KNOP1: variants seen among roughly 807,000 people sequenced by gnomAD.
The protein encoded by KNOP1 is lysine rich nucleolar protein 1, also known as lysine-rich nucleolar protein 1.
A neutral mutation model predicts 30.6 loss-of-function variants in KNOP1; 20 were observed. The ratio of observed to expected loss-of-function variants is 0.65; its 90% CI spans 0.46 to 0.95. The LOEUF is 0.95. Ranked by LOEUF, KNOP1 falls within the 40% of genes least tolerant of loss-of-function variation. The pLI is 0.00. For missense variants in KNOP1, 540 were observed against 562.0 expected (o/e 0.96, Z 0.40); for synonymous variants, 204 against 210.0 (o/e 0.97, Z 0.25).
rs1213768471 is a variant in KNOP1, at chr16:19,703,778, A to C, written c.*3132T>G. On this transcript the variant is annotated 3_prime_UTR_variant, in exon 5 of 5. Transcript: ENST00000219837. ...TGGTGATCTGCACTGGCAGAAAGCAAAAGGACAAGATTAAGTCCATTCTGA... is the reference window on the plus strand; with the variant it reads ...TGGTGATCTGCACTGGCAGAAAGCACAAGGACAAGATTAAGTCCATTCTGA... 5 of 152,188 alleles carry C rather than the reference A, an allele frequency of 3.3e-5. No individual in the cohort carries two copies. The highest frequency in any genetic ancestry group is 2.6e-4 in the Admixed American group (4 of 15,266). The allele number at this position is 152,188 out of a possible 1,614,324, so 9.4% of individuals were successfully genotyped here.
At chr16:19,717,890 G>A (rs1977263522) in intron 1 of KNOP1, 2 of 1,064,394 alleles carry the variant, frequency 1.9e-6, no homozygotes, top group Non-Finnish European at 2.3e-6. Context: ...GAGCCAGGAA[G>A]TAAGATCCGT....
intron 1 of KNOP1, among the ~76,000 whole-genome samples, chr16:19,716,111 T>C (rs1447106353): frequency 6.6e-6 from 1 of 152,174 alleles, no homozygotes; most frequent in Non-Finnish European, 1.5e-5. Context: ...AGTTCATTCA[T>C]AACCCACTCC....
chr16:19,708,200 CCACA>C (rs1976519633), intron 4 of KNOP1, among the ~76,000 whole-genome samples: 3 of 151,624 alleles, frequency 2.0e-5, no homozygotes, highest in South Asian at 4.2e-4. Context: ...GGGTGCGGGC[CCACA>C]GGGGTAAAAG....
At chr16:19,715,167 A>G in intron 1 of KNOP1, 130 bp from the exon 2 acceptor site, 4 of 612,744 alleles carry the variant, frequency 6.5e-6, no homozygotes, top group Non-Finnish European at 1.1e-5. Flanking sequence ...AATGGACATG[A>G]TTCCTTTAAA....
intron 2 of KNOP1, among the ~76,000 whole-genome samples, chr16:19,713,102 A>G (rs2151651411): frequency 6.7e-6 from 1 of 150,342 alleles, no homozygotes; most frequent in Admixed American, 6.6e-5. Context: ...CTTCACCTCA[A>G]GTTTTTTTTT....
intron 2 of KNOP1, 86 bp from the exon 3 acceptor site, chr16:19,711,526 A>G: frequency 7.7e-7 from 1 of 1,290,464 alleles, no homozygotes. Flanking sequence ...AGACCATGAC[A>G]AAGTCCAGAA....
At position 19,706,572 on chromosome 16, in the gene KNOP1, CAGG is replaced by C. The variant is rs1322783459; in HGVS notation, c.*335_*337del. The C allele has an allele frequency of 1.7e-5, 5 of 295,916 alleles. No homozygotes were observed. Among genetic ancestry groups the C allele is most frequent in the South Asian group, 7.9e-5 (2 of 25,376 alleles). 18.3% of individuals were successfully genotyped at this position (295,916 alleles called of 1,614,324 possible). A position where few individuals can be genotyped will look rare whatever the true frequency, so the allele number is the denominator to read the frequency against. ...GGGACGGAATGTTTAACACAGAAAA[CAGG>C]AGGTTTTAGCACTCACTCGTTCTCC... On this transcript the variant is annotated 3_prime_UTR_variant, in exon 5 of 5. Transcript: ENST00000219837.
chr16:19,706,809 C>T lies in KNOP1; in HGVS notation c.*101G>A, dbSNP rs999546360. The T allele has an allele frequency of 1.6e-6, 2 of 1,285,446 alleles. No individual in the cohort carries two copies. The highest frequency in any genetic ancestry group is 2.2e-6 in the Non-Finnish European group (2 of 909,786). 79.6% of individuals were successfully genotyped at this position (1,285,446 alleles called of 1,614,324 possible). A position where few individuals can be genotyped will look rare whatever the true frequency, so the allele number is the denominator to read the frequency against. ...TTTATATCTTACTGCTCGAGGTCCTCACCAAGATCTGATTTTTTCACAAAA... is the reference window on the plus strand; with the variant it reads ...TTTATATCTTACTGCTCGAGGTCCTTACCAAGATCTGATTTTTTCACAAAA... On this transcript the variant is annotated 3_prime_UTR_variant, in exon 5 of 5. Transcript: ENST00000219837.
rs904452844 is a variant in KNOP1, at chr16:19,708,985, G to A, written c.1065+1524C>T. On this transcript the variant is annotated intron_variant, in intron 4 of 4. Transcript: ENST00000219837. ...TGTGCCCCAGGATCACTCTCCTGCC[G>A]TCAGGTCCTTCCAGGGACAGCCCCC... Among the ~76,000 whole-genome samples, 5 of 152,102 alleles carry A rather than the reference G, an allele frequency of 3.3e-5. No individual in the cohort carries two copies. In the East Asian group the frequency reaches 5.8e-4, roughly 18 times the overall value.
In KNOP1 at chr16:19,714,108, G is replaced by A. The variant is rs370992127; in HGVS notation, c.918+10C>T. ...CCCACGGCAAAGTCCATTTCTGAAG[G>A]AAAAACTACCTCCTTCCAAGGGTCT... On this transcript the variant is annotated intron_variant, in intron 2 of 4. Coordinates refer to ENST00000219837, the MANE Select transcript of KNOP1 (RefSeq NM_001012991.3). The A allele has an allele frequency of 6.2e-7, 1 of 1,601,220 alleles. No individual in the cohort carries two copies. The highest frequency in any genetic ancestry group is 1.4e-5 in the African/African-American group (1 of 73,828).
intron 4 of KNOP1, among the ~76,000 whole-genome samples, chr16:19,709,947 C>A (rs1976623260): frequency 6.6e-6 from 1 of 152,178 alleles, no homozygotes; most frequent in Non-Finnish European, 1.5e-5. Context: ...GCTTCATCTG[C>A]TCCATGTCCA....
At position 19,716,195 on chromosome 16, in the gene KNOP1, A is replaced by G. The variant is rs143659797; in HGVS notation, c.-2-1158T>C. Among the ~76,000 whole-genome samples, 4 of 152,320 alleles carry G rather than the reference A, an allele frequency of 2.6e-5. No homozygotes were observed. The East Asian group carries it at 7.7e-4, about 29-fold the overall frequency. Reference sequence around the variant, plus strand: ...CTGCCCTGTTTCCTGGTTTATTTCCAGTGTCCTGCTCAGTGCCTGGCACAT... The same window carrying G: ...CTGCCCTGTTTCCTGGTTTATTTCCGGTGTCCTGCTCAGTGCCTGGCACAT... On this transcript the variant is annotated intron_variant, in intron 1 of 4. Transcript: ENST00000219837.
chr16:19,714,975 C>T lies in KNOP1; in HGVS notation c.61G>A (p.Val21Met). The T allele has an allele frequency of 6.3e-7, 1 of 1,592,588 alleles. No homozygotes were observed. Among genetic ancestry groups the T allele is most frequent in the Non-Finnish European group, 8.5e-7 (1 of 1,173,944 alleles). ...TATCGAGTCTCTGGTTCTTTGACCACTTTCTTCTTCTTTTTCTTCTCTGGG... is the reference window on the plus strand; with the variant it reads ...TATCGAGTCTCTGGTTCTTTGACCATTTTCTTCTTCTTTTTCTTCTCTGGG... ...GLPEKKKKKKVVKEPETRYSV... is the reference protein window; with the variant it reads ...GLPEKKKKKKMVKEPETRYSV... Residue 21 changes from valine to methionine, a missense_variant, in exon 2 of 5, where the codon GTG becomes ATG. By Grantham distance (21) the Val-to-Met change is conservative. Coordinates refer to ENST00000219837, the MANE Select transcript of KNOP1 (RefSeq NM_001012991.3).
At chr16:19,711,720 G>T (rs1474884831) in intron 2 of KNOP1, 6 of 453,264 alleles carry the variant, frequency 1.3e-5, no homozygotes, top group Non-Finnish European at 2.4e-5. Flanking sequence ...ACGGCTCAGG[G>T]ACTGGTGATT....
intron 2 of KNOP1, among the ~76,000 whole-genome samples, chr16:19,713,124 C>T (rs1752000259): frequency 6.6e-6 from 1 of 151,784 alleles, no homozygotes; most frequent in African/African-American, 2.4e-5. Context: ...TTGAGACAGT[C>T]CCGCTCTGTC....
At position 19,707,072 on chromosome 16, in the gene KNOP1, G is replaced by T; in HGVS notation, c.1215C>A (p.Gly405=). 1 of 1,614,170 alleles carries T rather than the reference G, an allele frequency of 6.2e-7. No homozygotes were observed. The highest frequency in any genetic ancestry group is 8.5e-7 in the Non-Finnish European group (1 of 1,180,036). The change falls in exon 5 of 5, where the codon GGC becomes GGA. Residue 405 remains glycine, a synonymous_variant. Transcript: ENST00000219837. ...GCTGCAGGCTGTCAGCCGCCTTCTTGCCGAGGGCCATGTTGGGCCTTGCAA... is the reference window on the plus strand; with the variant it reads ...GCTGCAGGCTGTCAGCCGCCTTCTTTCCGAGGGCCATGTTGGGCCTTGCAA... ...STIARPNMAL[G]KKAADSLQQN...
chr16:19,713,779 A>G (rs1469633703), intron 2 of KNOP1, among the ~76,000 whole-genome samples: 1 of 152,186 alleles, frequency 6.6e-6, no homozygotes, highest in Non-Finnish European at 1.5e-5. Context: ...AAGAGTTCAG[A>G]AAGCAAGGGA....
chr16:19,714,762 G>T lies in KNOP1; in HGVS notation c.274C>A (p.Arg92=), dbSNP rs202037988. 1.2e-6 allele frequency: 2 copies of T among 1,614,194 alleles called. No individual in the cohort carries two copies. The highest frequency in any genetic ancestry group is 1.3e-5 in the African/African-American group (1 of 75,034). The change falls in exon 2 of 5, where the codon CGG becomes AGG. Residue 92 remains arginine, a synonymous_variant. Transcript: ENST00000219837. The part of the protein sequence containing the change: ...VEPETTLPAR[R]TEKSPSLRKQ... The stretch of plus-strand genomic sequence containing the variant: ...CTGAGGCTGGGTGACTTCTCTGTCC[G>T]TCTAGCAGGCAGCGTGGTCTCAGGT...
chr16:19,714,909 G>A lies in KNOP1; in HGVS notation c.127C>T (p.Pro43Ser), dbSNP rs199759863. The change falls in exon 2 of 5, where the codon CCT (proline) becomes TCT (serine). Residue 43 changes from proline (P) to serine (S), a missense_variant. Coordinates refer to ENST00000219837, the MANE Select transcript of KNOP1 (RefSeq NM_001012991.3). ...TTAGAGGGGGATGTAGCTCTTAAAG[G>A]AGAAACATCAGCAAAGTAATCATCA... ...NNDDYFADVS[P>S]LRATSPSKSV... is the part of the protein sequence containing the mutation. 1,113 of 1,613,936 alleles carry A rather than the reference G, an allele frequency of 6.9e-4. 3 individuals are homozygous for A. The highest frequency in any genetic ancestry group is 8.6e-4 in the Non-Finnish European group (1,019 of 1,179,970).
Sources: allele counts gnomAD v4.1 joint callset (sites outside exome capture counted in the v4.1 genomes callset), GRCh38; gene constraint gnomAD v4.1.1; transcripts MANE v1.5; gene names NCBI Gene and HGNC (gene_info 2026-07-23, HGNC 2026-07-21).